The following PDE3B variants were observed in gnomAD, a reference collection of about 807,000 sequenced individuals.
PDE3B encodes the protein phosphodiesterase 3B.
In PDE3B, 66 loss-of-function variants were observed where a neutral mutation model predicts 116.8. The observed-to-expected ratio is 0.56, with a 90% CI of 0.46 to 0.69. The LOEUF (loss-of-function observed/expected upper bound fraction) is 0.69. PDE3B is among the 30% of genes least tolerant of loss of function. The pLI is 0.00. For missense variants in PDE3B, 1,384 were observed against 1,368.1 expected (o/e 1.01, Z -0.18); for synonymous variants, 595 against 533.6 (o/e 1.12, Z -1.59).
chr11:14,664,696 A>C (rs754840693), intron 1 of PDE3B, among the ~76,000 whole-genome samples: 1 of 152,084 alleles, frequency 6.6e-6, no homozygotes, highest in South Asian at 2.1e-4. Context: ...CGACACATAC[A>C]CCCTCCCAAG....
chr11:14,698,998 T>C (rs750113735), intron 1 of PDE3B: 1 of 151,986 alleles, frequency 6.6e-6, no homozygotes, highest in African/African-American at 2.4e-5. Context: ...AAAATCTTAC[T>C]TCCTGTCGGT....
chr11:14,792,008 G>T (rs1858404483), intron 4 of PDE3B, among the ~76,000 whole-genome samples: 1 of 151,738 alleles, frequency 6.6e-6, no homozygotes, highest in Non-Finnish European at 1.5e-5. Flanking sequence ...TTGATTTGGG[G>T]TTGGTTAAAT....
At chr11:14,776,748 G>A (rs1204429652) in intron 2 of PDE3B, 1 of 151,934 alleles carries the variant, frequency 6.6e-6, no homozygotes, top group East Asian at 1.9e-4. Context: ...GCCCACAAAA[G>A]TAGGCCAGGA....
At chr11:14,706,668 C>A (rs1388550155) in intron 1 of PDE3B, among the ~76,000 whole-genome samples, 1 of 151,580 alleles carries the variant, frequency 6.6e-6, no homozygotes, top group Non-Finnish European at 1.5e-5. Flanking sequence ...ATGCCACTTT[C>A]AAAGAAACAA....
At chr11:14,784,995 C>G (rs1858146356) in intron 2 of PDE3B, among the ~76,000 whole-genome samples, 4 of 151,948 alleles carry the variant, frequency 2.6e-5, no homozygotes, top group Admixed American at 2.0e-4. Flanking sequence ...TTTAGAATCA[C>G]AATAATCAGA....
chr11:14,779,237 A>G (rs1177638976), intron 2 of PDE3B, among the ~76,000 whole-genome samples: 2 of 152,206 alleles, frequency 1.3e-5, no homozygotes, highest in Non-Finnish European at 2.9e-5. Flanking sequence ...AAGTTGGAAA[A>G]CACTCTTCAG....
At chr11:14,729,449 G>T (rs1160966005) in intron 1 of PDE3B, among the ~76,000 whole-genome samples, 2 of 152,188 alleles carry the variant, frequency 1.3e-5, no homozygotes, top group African/African-American at 4.8e-5. Flanking sequence ...TTTCTTCAAT[G>T]AGATGCTTTG....
chr11:14,652,609 T>G (rs149788790), intron 1 of PDE3B, among the ~76,000 whole-genome samples: 1 of 152,332 alleles, frequency 6.6e-6, no homozygotes, highest in Non-Finnish European at 1.5e-5. Context: ...GTGTTAAGTA[T>G]ATTCACATTG....
intron 11 of PDE3B, among the ~76,000 whole-genome samples, chr11:14,841,953 G>C (rs929601073): frequency 1.1e-4 from 16 of 150,378 alleles, no homozygotes; most frequent in Non-Finnish European, 2.1e-4. Flanking sequence ...GGTGCCATAT[G>C]AATTTTTTTT....
At chr11:14,712,651 T>G (rs900513900) in intron 1 of PDE3B, among the ~76,000 whole-genome samples, 3 of 152,002 alleles carry the variant, frequency 2.0e-5, no homozygotes, top group Non-Finnish European at 4.4e-5. Context: ...ATTTTTGTAT[T>G]TTTAATAGTG....
the PDE3B span, among the ~76,000 whole-genome samples, chr11:14,896,158 T>C: frequency 6.6e-6 from 1 of 152,252 alleles, no homozygotes; most frequent in Non-Finnish European, 1.5e-5. Flanking sequence ...TCTTCTGTCA[T>C]GATATCTTGT....
the PDE3B span, among the ~76,000 whole-genome samples, chr11:14,889,960 C>G: frequency 2.0e-5 from 3 of 151,942 alleles, no homozygotes; most frequent in African/African-American, 4.8e-5. Flanking sequence ...ATGCCCATCT[C>G]TACTAAAAAT....
chr11:14,671,763 C>T (rs1225990282), intron 1 of PDE3B, among the ~76,000 whole-genome samples: 2 of 151,638 alleles, frequency 1.3e-5, no homozygotes, highest in African/African-American at 2.4e-5. Flanking sequence ...CATGGTGGCT[C>T]ATCCCTGTAA....
At chr11:14,760,869 G>C (rs1438722432) in intron 1 of PDE3B, among the ~76,000 whole-genome samples, 1 of 152,008 alleles carries the variant, frequency 6.6e-6, no homozygotes, top group Non-Finnish European at 1.5e-5. Context: ...ATCAAATCAG[G>C]GTAATTGGGA....
chr11:14,745,330 C>G (rs966366567), intron 1 of PDE3B, among the ~76,000 whole-genome samples: 2 of 152,022 alleles, frequency 1.3e-5, no homozygotes, highest in African/African-American at 2.4e-5. Flanking sequence ...TGGATAATCA[C>G]TTATTTTTAA....
chr11:14,709,454 T>A (rs528972109), intron 1 of PDE3B, among the ~76,000 whole-genome samples: 49 of 152,318 alleles, frequency 3.2e-4, no homozygotes, highest in South Asian at 1.9e-3. Flanking sequence ...AGATTTGTGG[T>A]TTTGCCTGTA....
At chr11:14,782,205 A>T (rs939384445) in intron 2 of PDE3B, among the ~76,000 whole-genome samples, 1 of 152,240 alleles carries the variant, frequency 6.6e-6, no homozygotes, top group Non-Finnish European at 1.5e-5. Context: ...TATAGATTCA[A>T]TGCCATCCCC....
At position 14,644,268 on chromosome 11, in the gene PDE3B, T is replaced by C. The variant is rs970425277; in HGVS notation, c.193T>C (p.Ser65Pro). Residue 65 changes from serine to proline, a missense_variant, in exon 1 of 16, where the codon TCT (serine) becomes CCT (proline). Ser to Pro is a moderately conservative substitution (Grantham distance 74). Transcript: ENST00000282096. The part of the protein sequence containing the change: ...CNVELRPPPA[S>P]PQQPRRCSPF... ...CGTGGAGCTGCGGCCGCCGCCGGCCTCTCCCCAGCAGCCGCGGCGCTGCTC... is the reference window on the plus strand; with the variant it reads ...CGTGGAGCTGCGGCCGCCGCCGGCCCCTCCCCAGCAGCCGCGGCGCTGCTC... The C allele has an allele frequency of 6.4e-7, 1 of 1,567,404 alleles. No homozygotes were observed. Among genetic ancestry groups the C allele is most frequent in the Non-Finnish European group, 8.6e-7 (1 of 1,163,968 alleles).
At chr11:14,821,964 T>C (rs948253834) in intron 7 of PDE3B, among the ~76,000 whole-genome samples, 2 of 151,606 alleles carry the variant, frequency 1.3e-5, no homozygotes, top group Non-Finnish European at 2.9e-5. Flanking sequence ...GAGAGTACAG[T>C]GGCACAATCA....
Sources: gnomAD v4.1 joint callset for allele counts (sites outside exome capture counted in the v4.1 genomes callset) on GRCh38, gnomAD v4.1.1 for gene constraint, MANE v1.5 for transcripts, NCBI Gene and HGNC (gene_info 2026-07-23, HGNC 2026-07-21) for gene names.